The following PCDHA5 variants were observed in gnomAD, a reference collection of about 807,000 sequenced individuals.
PCDHA5 encodes protocadherin alpha-5.
Under a neutral mutation model 61.6 loss-of-function variants are expected in PCDHA5, and 43 were observed. The observed-to-expected ratio is 0.70, with a 90% CI of 0.55 to 0.90. The LOEUF is 0.90. PCDHA5 is among the 40% of genes least tolerant of loss of function. The pLI is 0.00. For missense variants in PCDHA5, 1,298 were observed against 1,222.7 expected, an observed-to-expected ratio of 1.06 and a Z score of -0.92; for synonymous variants, 627 against 543.9, an observed-to-expected ratio of 1.15 and a Z score of -2.13.
At chr5:140,857,006 G>A (rs1365266931) in intron 1 of PCDHA5, 2 of 1,595,206 alleles carry the variant, frequency 1.3e-6, no homozygotes, top group East Asian at 2.2e-5. Flanking sequence ...AATTCATGTA[G>A]ATGTTACAGA....
chr5:140,825,780 A>C (rs1409625952), intron 1 of PCDHA5: 3 of 152,454 alleles, frequency 2.0e-5, no homozygotes, highest in African/African-American at 7.2e-5. Context: ...AAATTCTACT[A>C]TATTTTGGTT....
intron 1 of PCDHA5, chr5:140,877,741 A>C: frequency 6.2e-7 from 1 of 1,614,182 alleles, no homozygotes; most frequent in Non-Finnish European, 8.5e-7. Context: ...GAGGAGGCAG[A>C]GGGTGTGCTC....
In PCDHA5 at chr5:140,885,617, T is replaced by C. The variant is rs182455292; in HGVS notation, c.2352+61490T>C. Among the ~76,000 whole-genome samples, 20 of 152,288 alleles carry C rather than the reference T, an allele frequency of 1.3e-4. No individual in the cohort carries two copies. The East Asian group carries it at 3.7e-3, about 28-fold the overall frequency. The stretch of plus-strand genomic sequence containing the variant: ...GATATTAATAATTTTAATTATAAAA[T>C]ATGTCACTGGATTGCCTTCCAAGTA... On this transcript the variant is annotated intron_variant, in intron 1 of 3. Coordinates refer to ENST00000529859, the MANE Select transcript of PCDHA5 (RefSeq NM_018908.3).
intron 3 of PCDHA5, among the ~76,000 whole-genome samples, chr5:140,984,755 A>G (rs1554246508): frequency 6.6e-6 from 1 of 152,172 alleles, no homozygotes; most frequent in Admixed American, 6.5e-5. Flanking sequence ...TTTGAGTTGA[A>G]TTCTAATCCC....
chr5:140,961,639 G>A (rs2095626284), intron 1 of PCDHA5, among the ~76,000 whole-genome samples: 1 of 152,144 alleles, frequency 6.6e-6, no homozygotes, highest in East Asian at 1.9e-4. Flanking sequence ...ACAATCTTAA[G>A]TCTATGTGGT....
At position 140,823,663 on chromosome 5, in the gene PCDHA5, A is replaced by T. The variant is rs2150128045; in HGVS notation, c.1888A>T (p.Ile630Phe). 1.2e-6 allele frequency: 2 copies of T among 1,614,010 alleles called. No individual in the cohort carries two copies. Among genetic ancestry groups the T allele is most frequent in the Admixed American group, 1.7e-5 (1 of 60,036 alleles). The stretch of plus-strand genomic sequence containing the variant: ...CCGCGTGGGGCTGTACACAGGCGAG[A>T]TCAGCACAACACGCTCTCTGGATGA... ...PFRVGLYTGE[I>F]STTRSLDETE... is the part of the protein sequence containing the mutation. Residue 630 changes from isoleucine (I) to phenylalanine (F), a missense_variant, in exon 1 of 4, where the codon ATC becomes TTC. Ile to Phe is a conservative substitution (Grantham distance 21). Coordinates refer to ENST00000529859, the MANE Select transcript of PCDHA5 (RefSeq NM_018908.3).
chr5:140,894,484 T>C (rs2064498102), intron 1 of PCDHA5, among the ~76,000 whole-genome samples: 1 of 152,002 alleles, frequency 6.6e-6, no homozygotes, highest in Admixed American at 6.5e-5. Flanking sequence ...TTTCATCTTA[T>C]AGTTTTCTTT....
intron 1 of PCDHA5, among the ~76,000 whole-genome samples, chr5:140,910,278 A>G (rs1261965132): frequency 6.6e-6 from 1 of 151,132 alleles, no homozygotes; most frequent in Non-Finnish European, 1.5e-5. Flanking sequence ...TTCTAGGAAC[A>G]CCATGATTAA....
At chr5:140,850,316 T>G in intron 1 of PCDHA5, 1 of 1,597,142 alleles carries the variant, frequency 6.3e-7, no homozygotes, top group Non-Finnish European at 8.6e-7. Context: ...ACGCGTGGCT[T>G]TCATACGAGC....
chr5:140,843,762 T>G, intron 1 of PCDHA5: 4 of 1,493,648 alleles, frequency 2.7e-6, no homozygotes, highest in Non-Finnish European at 3.7e-6. Context: ...TTGTGGAAAT[T>G]GTAGTTACTT....
chr5:140,838,330 C>T lies in PCDHA5; in HGVS notation c.2352+14203C>T, dbSNP rs113888727. 2.6e-3 allele frequency among the ~76,000 whole-genome samples: 382 copies of T among 147,588 alleles called. 4 individuals carry two copies. The highest frequency in any genetic ancestry group is 9.4e-3 in the African/African-American group (367 of 39,126). The stretch of plus-strand genomic sequence containing the variant: ...GTAGAAACAGAGTTTCACCATGTTG[C>T]CCCGGCTGGTCTCGAAATCTGGGAC... On this transcript the variant is annotated intron_variant, in intron 1 of 3. Coordinates refer to ENST00000529859, the MANE Select transcript of PCDHA5 (RefSeq NM_018908.3).
chr5:140,961,037 A>C (rs1222978592), intron 1 of PCDHA5, among the ~76,000 whole-genome samples: 2 of 152,188 alleles, frequency 1.3e-5, no homozygotes, highest in African/African-American at 4.8e-5. Flanking sequence ...CCTTGTTTTG[A>C]GTCATTAACA....
At chr5:140,829,901 A>G (rs2150177337) in intron 1 of PCDHA5, 11 of 1,613,874 alleles carry the variant, frequency 6.8e-6, no homozygotes, top group Non-Finnish European at 8.5e-6. Flanking sequence ...CTCAGGCTAC[A>G]ACGCGTGGCT....
chr5:140,978,653 G>A (rs527551897), intron 1 of PCDHA5, among the ~76,000 whole-genome samples: 25 of 152,314 alleles, frequency 1.6e-4, no homozygotes, highest in African/African-American at 5.5e-4. Flanking sequence ...TGTTCTTCCC[G>A]TAGTGTTTTA....
chr5:140,968,962 C>T (rs1554231271), intron 1 of PCDHA5: 29 of 1,614,056 alleles, frequency 1.8e-5, no homozygotes, highest in Non-Finnish European at 2.2e-5. Context: ...TCAAGTGCTA[C>T]CGCTACACTG....
chr5:140,872,950 G>A lies in PCDHA5; in HGVS notation c.2352+48823G>A, dbSNP rs185090422. ...AATGTTTTTGAAATTTTCTTTCCAC[G>A]TAGTATCATCCCATCTGAAGATTTG... On this transcript the variant is annotated intron_variant, in intron 1 of 3. Transcript: ENST00000529859. Among the ~76,000 whole-genome samples, 445 of 152,104 alleles carry A rather than the reference G, an allele frequency of 2.9e-3. 2 individuals carry two copies. Among genetic ancestry groups the A allele is most frequent in the Middle Eastern group, 0.014 (4 of 294 alleles).
In PCDHA5 at chr5:141,010,289, C is replaced by G. The variant is rs2098416832; in HGVS notation, c.*352C>G. The G allele has an allele frequency of 4.5e-6, 7 of 1,550,274 alleles. No homozygotes were observed. The highest frequency in any genetic ancestry group is 3.9e-5 in the Admixed American group (2 of 50,654). ...GGGGATCCTGTCTTGATGACACTTG[C>G]AGGGCAGGCTGAAAAGTTTTGAGAT... On this transcript the variant is annotated 3_prime_UTR_variant, in exon 4 of 4. Transcript: ENST00000529859.
chr5:141,000,421 A>ATAT (rs1265241806), intron 3 of PCDHA5, among the ~76,000 whole-genome samples: 11 of 27,980 alleles, frequency 3.9e-4, no homozygotes, highest in South Asian at 1.9e-3. Flanking sequence ...ATATATATAT[A>ATAT]TTTTTTTTTT....
At chr5:140,875,428 C>T (rs782761347) in intron 1 of PCDHA5, 1 of 1,537,796 alleles carries the variant, frequency 6.5e-7, no homozygotes, top group Non-Finnish European at 8.7e-7. Context: ...GGCAAGCGAT[C>T]CCTTAAAACT....
Sources: allele counts gnomAD v4.1 joint callset (sites outside exome capture counted in the v4.1 genomes callset), GRCh38; gene constraint gnomAD v4.1.1; transcripts MANE v1.5; gene names NCBI Gene and HGNC (gene_info 2026-07-23, HGNC 2026-07-21).